The following TSPAN9 variants were observed in gnomAD, a reference collection of about 807,000 sequenced individuals.
TSPAN9 encodes tetraspanin 9.
A neutral mutation model predicts 31.0 loss-of-function variants in TSPAN9; 16 were observed. The observed-to-expected ratio is 0.52, with a 90% CI of 0.35 to 0.78. The LOEUF (loss-of-function observed/expected upper bound fraction) is 0.78. Among genes scored for constraint, TSPAN9 ranks in the 30% least tolerant of loss-of-function variants. TSPAN9 has a pLI of 0.01. For synonymous variants in TSPAN9, 145 were observed against 121.6 expected (o/e 1.19, Z -1.27); for missense variants, 272 against 312.5 (o/e 0.87, Z 0.98).
In TSPAN9 at chr12:3,109,064, T is replaced by G. The variant is rs986866543; in HGVS notation, c.-18+25345T>G. Among the ~76,000 whole-genome samples the G allele has an allele frequency of 1.2e-4, 18 of 151,834 alleles. 1 individual carries two copies. The highest frequency in any genetic ancestry group is 1.2e-3 in the Admixed American group (18 of 15,250). ...CATTCTCCTGTCTCAGCCTCCCGAG[T>G]AGCTGGGACTACAGGCACTCGCCAC... On this transcript the variant is annotated intron_variant, in intron 2 of 8. Coordinates refer to ENST00000011898, the MANE Select transcript of TSPAN9 (RefSeq NM_006675.5).
At chr12:3,205,269 C>G (rs1209072978) in intron 3 of TSPAN9, among the ~76,000 whole-genome samples, 3 of 152,202 alleles carry the variant, frequency 2.0e-5, no homozygotes, top group Non-Finnish European at 4.4e-5. Context: ...CCTTGTGGAT[C>G]GCTCCCTTAA....
At chr12:3,174,689 T>C (rs28459114) in intron 2 of TSPAN9, among the ~76,000 whole-genome samples, 16,494 of 151,608 alleles carry the variant, frequency 0.11, 1,017 homozygotes, top group African/African-American at 0.16. Flanking sequence ...TTCGCGCCAT[T>C]CTCCTGCCTC....
At chr12:3,241,446 A>T (rs1190932937) in intron 3 of TSPAN9, among the ~76,000 whole-genome samples, 1 of 152,236 alleles carries the variant, frequency 6.6e-6, no homozygotes, top group Non-Finnish European at 1.5e-5. Context: ...ACAGTCATAC[A>T]TGTGTCAATA....
At chr12:3,207,167 T>C (rs1241958055) in intron 3 of TSPAN9, among the ~76,000 whole-genome samples, 3 of 152,046 alleles carry the variant, frequency 2.0e-5, no homozygotes, top group Non-Finnish European at 4.4e-5. Flanking sequence ...TTTCCAGGGC[T>C]CCTAGGACAG....
At chr12:3,199,412 C>T (rs571247226) in intron 2 of TSPAN9, among the ~76,000 whole-genome samples, 1 of 152,226 alleles carries the variant, frequency 6.6e-6, no homozygotes, top group Non-Finnish European at 1.5e-5. Flanking sequence ...TGTGGTGTCC[C>T]GGTCGGCAAT....
In TSPAN9 at chr12:3,147,466, G is replaced by T. The variant is rs1271721314; in HGVS notation, c.-17-53711G>T. Among the ~76,000 whole-genome samples the T allele has an allele frequency of 6.6e-6, 1 of 152,200 alleles. No individual in the cohort carries two copies. Among genetic ancestry groups the T allele is most frequent in the Non-Finnish European group, 1.5e-5 (1 of 68,044 alleles). On this transcript the variant is annotated intron_variant, in intron 2 of 8. Transcript: ENST00000011898. This position sits in a 1 kb window ranked among gnomAD's most constrained non-coding sequence, Gnocchi z 4.3. ...GGCATCTCCACCGACGCGACGGGAA[G>T]TGGCCTCTCCCTCCTTCAGGATCGC...
intron 2 of TSPAN9, among the ~76,000 whole-genome samples, chr12:3,121,566 C>T (rs2098325174): frequency 1.0e-5 from 1 of 99,088 alleles, no homozygotes. Flanking sequence ...TTTGTAGAGA[C>T]AAGGCCTCAC....
chr12:3,234,877 G>A (rs939402313), intron 3 of TSPAN9, among the ~76,000 whole-genome samples: 10 of 151,928 alleles, frequency 6.6e-5, no homozygotes, highest in African/African-American at 2.4e-4. Flanking sequence ...ATAGGTAAGT[G>A]AGGCCGGGCG....
At chr12:3,154,459 T>C (rs1191082801) in intron 2 of TSPAN9, among the ~76,000 whole-genome samples, 1 of 152,234 alleles carries the variant, frequency 6.6e-6, no homozygotes, top group Non-Finnish European at 1.5e-5. Flanking sequence ...CTTAGGGAAC[T>C]TGCAGTCTGA....
At chr12:3,194,116 C>G (rs7969602) in intron 2 of TSPAN9, among the ~76,000 whole-genome samples, 57,674 of 152,078 alleles carry the variant, frequency 0.38, 11,620 homozygotes, top group African/African-American at 0.52. Context: ...TCTGCCTTTC[C>G]CCTCCGTCCT....
chr12:3,146,077 G>A (rs934657339), intron 2 of TSPAN9, among the ~76,000 whole-genome samples: 1 of 152,216 alleles, frequency 6.6e-6, no homozygotes, highest in African/African-American at 2.4e-5. Context: ...GAGCTCCCCC[G>A]GCAAGCCCAC....
intron 8 of TSPAN9, 107 bp from the exon 9 acceptor site, chr12:3,282,938 C>G: frequency 5.6e-6 from 6 of 1,072,992 alleles, no homozygotes; most frequent in Non-Finnish European, 8.3e-6. Flanking sequence ...CACCAGTGGC[C>G]ATCCCCGCTT....
At chr12:3,100,621 TG>T (rs900672669) in intron 2 of TSPAN9, among the ~76,000 whole-genome samples, 1 of 152,228 alleles carries the variant, frequency 6.6e-6, no homozygotes, top group African/African-American at 2.4e-5. Flanking sequence ...CCAGACCTTG[TG>T]GCTTTACCAG....
intron 2 of TSPAN9, among the ~76,000 whole-genome samples, chr12:3,103,510 A>G (rs985684578): frequency 6.6e-6 from 1 of 152,152 alleles, no homozygotes; most frequent in African/African-American, 2.4e-5. Flanking sequence ...GGGGACCTCA[A>G]AGGTCCCTAA....
chr12:3,260,810 C>T (rs1862434375), intron 3 of TSPAN9, among the ~76,000 whole-genome samples: 1 of 152,116 alleles, frequency 6.6e-6, no homozygotes, highest in African/African-American at 2.4e-5. Flanking sequence ...AAGGGCGTGG[C>T]TGGTGGAGGA....
rs989590342 is a variant in TSPAN9 at position 3,168,442 on chromosome 12, G to A, written c.-17-32735G>A. ...CTGGGCCTGTCTGCAGCTGCTCAGC[G>A]TCAAGCACACAGGACAGAATGAATT... is the stretch of plus-strand genomic sequence containing the variant. On this transcript the variant is annotated intron_variant, in intron 2 of 8. Transcript: ENST00000011898. The surrounding 1 kb of genome is among the most constrained non-coding windows in gnomAD (Gnocchi z 4.0). Among the ~76,000 whole-genome samples, 1 of 152,196 alleles carries A rather than the reference G, an allele frequency of 6.6e-6. No homozygotes were observed. Among genetic ancestry groups the A allele is most frequent in the East Asian group, 1.9e-4 (1 of 5,186 alleles).
At chr12:3,267,590 T>TTAC (rs1862560244) in intron 3 of TSPAN9, among the ~76,000 whole-genome samples, 1 of 152,208 alleles carries the variant, frequency 6.6e-6, no homozygotes, top group Non-Finnish European at 1.5e-5. Context: ...GGCTTCACAA[T>TTAC]TACTGTGTGC....
intron 2 of TSPAN9, among the ~76,000 whole-genome samples, chr12:3,164,175 C>G (rs573810540): frequency 2.0e-5 from 3 of 152,336 alleles, no homozygotes; most frequent in Middle Eastern, 3.4e-3. Flanking sequence ...GATGAGCTTT[C>G]TCTTTCCTAA....
intron 2 of TSPAN9, among the ~76,000 whole-genome samples, chr12:3,149,141 A>G (rs779972208): frequency 6.6e-6 from 1 of 152,200 alleles, no homozygotes; most frequent in Non-Finnish European, 1.5e-5. Context: ...TTCTTTTGGC[A>G]CTTCTTAGCT....
Sources: allele counts gnomAD v4.1 joint callset (sites outside exome capture counted in the v4.1 genomes callset), GRCh38; gene constraint gnomAD v4.1.1; non-coding constraint Gnocchi (gnomAD v3.1); transcripts MANE v1.5; gene names NCBI Gene and HGNC (gene_info 2026-07-23, HGNC 2026-07-21).